CSMD1: variants seen among roughly 807,000 people sequenced by gnomAD.
The protein encoded by CSMD1 is CUB and sushi domain-containing protein 1.
In CSMD1, 213 loss-of-function variants were observed where a neutral mutation model predicts 417.5. The observed-to-expected ratio is 0.51, with a 90% CI of 0.46 to 0.57. The LOEUF is 0.57. Among genes scored for constraint, CSMD1 ranks in the 20% least tolerant of loss-of-function variants. The pLI is 0.00. For synonymous variants in CSMD1, 2,862 were observed against 1,736.8 expected (o/e 1.65, Z -16.11); for missense variants, 6,923 against 4,529.7 (o/e 1.53, Z -15.17).
At chr8:3,675,901 C>T (rs750019631) in intron 7 of CSMD1, among the ~76,000 whole-genome samples, 5 of 152,300 alleles carry the variant, frequency 3.3e-5, no homozygotes, top group East Asian at 1.9e-4. Context: ...TGCTGAAGTT[C>T]TCTCTCAGCA....
chr8:4,446,395 A>T (rs1448434677), intron 2 of CSMD1, among the ~76,000 whole-genome samples: 2 of 152,068 alleles, frequency 1.3e-5, no homozygotes, highest in East Asian at 3.9e-4. Context: ...AAAAACAAAC[A>T]AAAGTAGCCA....
intron 2 of CSMD1, among the ~76,000 whole-genome samples, chr8:4,591,601 G>C (rs761672245): frequency 5.9e-5 from 9 of 152,194 alleles, no homozygotes; most frequent in Non-Finnish European, 1.2e-4. Flanking sequence ...AGCTTTCCAA[G>C]GGTAGTGATG....
At chr8:4,235,370 T>C (rs1029607607) in intron 3 of CSMD1, among the ~76,000 whole-genome samples, 8 of 147,862 alleles carry the variant, frequency 5.4e-5, no homozygotes, top group African/African-American at 1.5e-4. Flanking sequence ...GTTTTTTTTT[T>C]GTTTGTTTGT....
intron 6 of CSMD1, among the ~76,000 whole-genome samples, chr8:3,731,154 C>A (rs536300414): frequency 1.3e-5 from 2 of 152,172 alleles, no homozygotes; most frequent in African/African-American, 4.8e-5. Context: ...TTCAGTATGT[C>A]TGTTAACACT....
chr8:3,746,551 A>G (rs1227644261), intron 6 of CSMD1, among the ~76,000 whole-genome samples: 1 of 152,242 alleles, frequency 6.6e-6, no homozygotes, highest in African/African-American at 2.4e-5. Context: ...AAATTCTGGC[A>G]TGAACTCAAA....
intron 7 of CSMD1, among the ~76,000 whole-genome samples, chr8:3,693,755 A>G (rs1800382997): frequency 6.6e-6 from 1 of 151,650 alleles, no homozygotes; most frequent in African/African-American, 2.4e-5. Context: ...TGTGTGTTGT[A>G]TGTGTGTTTT....
rs571633397 is a variant in CSMD1 at position 4,652,760 on chromosome 8, G to C, written c.86-15202C>G. ...CTCCAGGCTTTTTGGCACCAGGGCG[G>C]TTTTGTGGAAGACAATTTTTCTGTG... is the stretch of plus-strand genomic sequence containing the variant. On this transcript the variant is annotated intron_variant, in intron 1 of 69. Coordinates refer to ENST00000635120, the MANE Select transcript of CSMD1 (RefSeq NM_033225.6). Among the ~76,000 whole-genome samples, 35 of 152,282 alleles carry C rather than the reference G, an allele frequency of 2.3e-4. No individual in the cohort carries two copies. In the South Asian group the frequency reaches 6.0e-3, roughly 26 times the overall value.
At chr8:3,652,123 C>A (rs1173790942) in intron 7 of CSMD1, among the ~76,000 whole-genome samples, 1 of 105,592 alleles carries the variant, frequency 9.5e-6, no homozygotes, top group Non-Finnish European at 2.1e-5. Flanking sequence ...CGCTTACCAT[C>A]AGAGCGCTTA....
intron 2 of CSMD1, among the ~76,000 whole-genome samples, chr8:4,518,296 T>TC (rs1026931298): frequency 2.6e-5 from 4 of 151,610 alleles, no homozygotes; most frequent in Non-Finnish European, 5.9e-5. Context: ...AGCAGCAGAG[T>TC]GAGGTAAAAG....
intron 5 of CSMD1, among the ~76,000 whole-genome samples, chr8:3,858,269 T>G (rs1207273472): frequency 6.6e-6 from 1 of 152,182 alleles, no homozygotes; most frequent in Non-Finnish European, 1.5e-5. Context: ...AGAATGAGGA[T>G]GGGCCTTATC....
intron 19 of CSMD1, among the ~76,000 whole-genome samples, chr8:3,367,877 G>A (rs561394748): frequency 7.5e-4 from 114 of 152,262 alleles, no homozygotes; most frequent in African/African-American, 2.6e-3. Flanking sequence ...CTTAGGGACA[G>A]TATTTGTCCC....
At chr8:3,795,139 ATAT>A (rs1563087100) in intron 5 of CSMD1, among the ~76,000 whole-genome samples, 4 of 33,526 alleles carry the variant, frequency 1.2e-4, no homozygotes, top group African/African-American at 3.2e-4. Flanking sequence ...ACAGCTATAG[ATAT>A]CTATCATGTA....
At chr8:3,730,195 G>C (rs751142921) in intron 6 of CSMD1, among the ~76,000 whole-genome samples, 2 of 151,998 alleles carry the variant, frequency 1.3e-5, no homozygotes, top group Non-Finnish European at 2.9e-5. Flanking sequence ...CCAACAGGTA[G>C]GCAGAGAATG....
intron 2 of CSMD1, among the ~76,000 whole-genome samples, chr8:4,510,106 G>A (rs1286923332): frequency 1.3e-5 from 2 of 151,980 alleles, no homozygotes; most frequent in African/African-American, 4.8e-5. Flanking sequence ...AAAGAGATCT[G>A]ATGGTTGTAT....
At chr8:4,971,590 ACATT>A (rs1441044880) in intron 1 of CSMD1, among the ~76,000 whole-genome samples, 34 of 151,978 alleles carry the variant, frequency 2.2e-4, no homozygotes, top group Admixed American at 1.8e-3. Context: ...TGTTTACCAC[ACATT>A]CAAAGACTAT....
chr8:4,761,636 A>G (rs1365980301), intron 1 of CSMD1, among the ~76,000 whole-genome samples: 2 of 152,118 alleles, frequency 1.3e-5, no homozygotes, highest in Non-Finnish European at 2.9e-5. Context: ...AAATGAAATC[A>G]TTATAATTCA....
At chr8:3,628,595 G>A (rs577133148) in intron 7 of CSMD1, among the ~76,000 whole-genome samples, 1 of 152,220 alleles carries the variant, frequency 6.6e-6, no homozygotes, top group Non-Finnish European at 1.5e-5. Context: ...CATGGCAAGT[G>A]CAGGGGGAGG....
chr8:3,126,716 A>C (rs767986617), intron 41 of CSMD1, among the ~76,000 whole-genome samples: 3 of 152,128 alleles, frequency 2.0e-5, no homozygotes, highest in Admixed American at 1.3e-4. Flanking sequence ...CTGCCTAATT[A>C]TGCTCCATTT....
At chr8:2,982,759 T>G (rs1181161138) in intron 54 of CSMD1, among the ~76,000 whole-genome samples, 1 of 152,216 alleles carries the variant, frequency 6.6e-6, no homozygotes, top group Non-Finnish European at 1.5e-5. Context: ...CTCGCTTCTT[T>G]CCAGAACCCA....
Sources: allele counts gnomAD v4.1 joint callset (sites outside exome capture counted in the v4.1 genomes callset), GRCh38; gene constraint gnomAD v4.1.1; transcripts MANE v1.5; gene names NCBI Gene and HGNC (gene_info 2026-07-23, HGNC 2026-07-21).